ERC1: variants seen among roughly 807,000 people sequenced by gnomAD.
ERC1 encodes the protein ELKS/RAB6-interacting/CAST family member 1.
ERC1 carries 56 observed loss-of-function variants against 132.0 expected under a neutral mutation model. The ratio of observed to expected loss-of-function variants is 0.42; its 90% confidence interval spans 0.34 to 0.53. The LOEUF is 0.53. Among genes scored for constraint, ERC1 ranks in the 20% least tolerant of loss-of-function variants. The probability of loss-of-function intolerance (pLI) is 0.03; values close to 1 mark genes in which losing one functional copy is unlikely to be tolerated. For synonymous variants in ERC1, 478 were observed against 476.1 expected (o/e 1.00, Z -0.05); for missense variants, 1,202 against 1,349.9 (o/e 0.89, Z 1.72).
At chr12:1,170,342 TA>T (rs1219563886) in intron 8 of ERC1, among the ~76,000 whole-genome samples, 2 of 152,196 alleles carry the variant, frequency 1.3e-5, no homozygotes, top group Non-Finnish European at 2.9e-5. Context: ...TGGATTTTTT[TA>T]AAAAATTAAG....
chr12:1,462,296 T>C (rs1194886256), intron 18 of ERC1, among the ~76,000 whole-genome samples: 1 of 152,224 alleles, frequency 6.6e-6, no homozygotes, highest in Non-Finnish European at 1.5e-5. Context: ...TTCTTATAGA[T>C]GTACATCTAT....
In ERC1 at chr12:1,321,808, CT is replaced by C. The variant is rs1434171729; in HGVS notation, c.2780+31800del. Reference sequence around the variant, plus strand: ...CTACACTGTGAGAAGCATTTATCTCCTTTTGTGCTAATAAAATTAAGCAAAA... The same window carrying C: ...CTACACTGTGAGAAGCATTTATCTCCTTTGTGCTAATAAAATTAAGCAAAA... On this transcript the variant is annotated intron_variant, in intron 15 of 18. Coordinates refer to ENST00000360905, the MANE Select transcript of ERC1 (RefSeq NM_178040.4). Among the ~76,000 whole-genome samples, 3 of 152,252 alleles carry C rather than the reference CT, an allele frequency of 2.0e-5. No individual in the cohort carries two copies. The East Asian group carries it at 5.8e-4, about 29-fold the overall frequency.
At chr12:1,000,941 TG>T (rs1301276317) in intron 1 of ERC1, among the ~76,000 whole-genome samples, 1 of 152,188 alleles carries the variant, frequency 6.6e-6, no homozygotes, top group African/African-American at 2.4e-5. Flanking sequence ...TTTTTTGAGA[TG>T]GAGTTTTGCC....
At chr12:1,228,648 A>T (rs918653643) in intron 12 of ERC1, among the ~76,000 whole-genome samples, 17 of 152,040 alleles carry the variant, frequency 1.1e-4, no homozygotes, top group Non-Finnish European at 2.4e-4. Context: ...TCACCGTTAG[A>T]TTTATCGGCT....
intron 16 of ERC1, among the ~76,000 whole-genome samples, chr12:1,374,997 G>A (rs143895038): frequency 2.0e-5 from 3 of 152,182 alleles, no homozygotes; most frequent in African/African-American, 7.2e-5. Flanking sequence ...TTTGATTCCA[G>A]TGTTTTGTAG....
In ERC1 at chr12:1,136,683, A is replaced by G. The variant is rs574338602; in HGVS notation, c.1570-4937A>G. 6.6e-5 allele frequency among the ~76,000 whole-genome samples: 10 copies of G among 152,326 alleles called. No individual in the cohort carries two copies. In the East Asian group the frequency reaches 1.3e-3, roughly 21 times the overall value. ...AGCAGGCAAGGATTTATGATCTACT[A>G]TCTTTTCAGGCTTGTCTCTTGTCCT... On this transcript the variant is annotated intron_variant, in intron 7 of 18. Transcript: ENST00000360905.
intron 13 of ERC1, among the ~76,000 whole-genome samples, chr12:1,246,595 G>A (rs181230876): frequency 4.7e-4 from 72 of 152,236 alleles, no homozygotes; most frequent in African/African-American, 1.4e-3. Context: ...TCTCTAAGGT[G>A]TTTATTTATT....
chr12:1,220,877 C>T (rs556358728), intron 12 of ERC1, among the ~76,000 whole-genome samples: 1 of 152,322 alleles, frequency 6.6e-6, no homozygotes, highest in South Asian at 2.1e-4. Flanking sequence ...ACCTGGGCCT[C>T]GTGCCCATTC....
intron 18 of ERC1, among the ~76,000 whole-genome samples, chr12:1,487,702 A>C (rs4429118): frequency 0.047 from 6,881 of 146,572 alleles, 523 homozygotes; most frequent in African/African-American, 0.16. Context: ...CAGACAATAG[A>C]GGGAGACCCT....
At chr12:1,197,976 A>C (rs1332476291) in intron 12 of ERC1, among the ~76,000 whole-genome samples, 3 of 150,906 alleles carry the variant, frequency 2.0e-5, no homozygotes, top group Non-Finnish European at 4.4e-5. Flanking sequence ...TCCAGGGTGG[A>C]GTGCAGTGGC....
At chr12:1,335,799 G>T (rs773055909) in intron 15 of ERC1, among the ~76,000 whole-genome samples, 6 of 152,160 alleles carry the variant, frequency 3.9e-5, no homozygotes, top group Non-Finnish European at 5.9e-5. Flanking sequence ...CAGGGGTAAT[G>T]GTACCAGCCC....
intron 17 of ERC1, among the ~76,000 whole-genome samples, chr12:1,440,668 G>GTGTGTGTGTGTGTGTGTGTGTGT (rs2093123666): frequency 9.4e-6 from 1 of 106,368 alleles, no homozygotes; most frequent in Admixed American, 1.0e-4. Flanking sequence ...GTGTGTGTGT[G>GTGTGTGTGTGTGTGTGTGTGTGT]ATGGAGTCTC....
chr12:1,325,291 GT>G (rs1452900046), intron 15 of ERC1, among the ~76,000 whole-genome samples: 2 of 152,156 alleles, frequency 1.3e-5, no homozygotes, highest in East Asian at 3.9e-4. Context: ...TTCTTGCTTA[GT>G]TTCGCTTGAT....
chr12:1,071,409 A>G (rs35681937), intron 2 of ERC1, among the ~76,000 whole-genome samples: 3 of 152,034 alleles, frequency 2.0e-5, no homozygotes, highest in African/African-American at 7.2e-5. Flanking sequence ...TTCCCCAGTT[A>G]CTAAAGATAC....
intron 13 of ERC1, among the ~76,000 whole-genome samples, chr12:1,255,108 C>A (rs7952832): frequency 2.6e-5 from 4 of 151,656 alleles, no homozygotes; most frequent in Non-Finnish European, 5.9e-5. Flanking sequence ...CCAAACCCCC[C>A]CAACAGGCCC....
At chr12:1,049,833 A>G (rs1164385866) in intron 2 of ERC1, among the ~76,000 whole-genome samples, 1 of 146,282 alleles carries the variant, frequency 6.8e-6, no homozygotes, top group African/African-American at 2.6e-5. Context: ...GCTCACTGCA[A>G]CCTCCACCTC....
chr12:1,418,652 TC>T (rs1281728489), intron 17 of ERC1, among the ~76,000 whole-genome samples: 280 of 145,952 alleles, frequency 1.9e-3, no homozygotes, highest in African/African-American at 6.9e-3. Context: ...TCTCTCTCTC[TC>T]TCTCTCTCTT....
In ERC1 at chr12:1,061,909, G is replaced by A. The variant is rs190586368; in HGVS notation, c.670-21255G>A. Among the ~76,000 whole-genome samples, 735 of 150,358 alleles carry A rather than the reference G, an allele frequency of 4.9e-3. 2 individuals are homozygous for A. The highest frequency in any genetic ancestry group is 0.017 in the African/African-American group (688 of 41,060). Reference sequence around the variant, plus strand: ...TTCTTTTTTGATATAAGTATTTATTGCTGTAAACCCCCCTCTTTGTACTGC... The same window carrying A: ...TTCTTTTTTGATATAAGTATTTATTACTGTAAACCCCCCTCTTTGTACTGC... On this transcript the variant is annotated intron_variant, in intron 2 of 18. Transcript: ENST00000360905.
chr12:1,401,186 A>T (rs12820186), intron 16 of ERC1, among the ~76,000 whole-genome samples: 1 of 151,852 alleles, frequency 6.6e-6, no homozygotes, highest in African/African-American at 2.4e-5. Context: ...CGCCCGTCTC[A>T]GCCTTCCAAA....
Sources: gnomAD v4.1 joint callset for allele counts (sites outside exome capture counted in the v4.1 genomes callset) on GRCh38, gnomAD v4.1.1 for gene constraint, MANE v1.5 for transcripts, NCBI Gene and HGNC (gene_info 2026-07-23, HGNC 2026-07-21) for gene names.